Variants in DNAH3 observed in about 807,000 individuals in gnomAD.
DNAH3 encodes the protein axonemal beta dynein heavy chain 3.
DNAH3 carries 332 observed loss-of-function variants against 432.5 expected under a neutral mutation model. That is an observed-to-expected ratio of 0.77 (90% confidence interval 0.70 to 0.84). The LOEUF is 0.84. Ranked by LOEUF, DNAH3 falls within the 40% of genes least tolerant of loss-of-function variation. DNAH3 has a pLI of 0.00. For missense variants in DNAH3, 4,861 were observed against 5,114.0 expected, an observed-to-expected ratio of 0.95 and a Z score of 1.51; for synonymous variants, 1,956 against 1,900.2, an observed-to-expected ratio of 1.03 and a Z score of -0.76.
chr16:21,069,977 T>C (rs1379627616), intron 22 of DNAH3, among the ~76,000 whole-genome samples: 3 of 152,202 alleles, frequency 2.0e-5, no homozygotes, highest in Non-Finnish European at 2.9e-5. Flanking sequence ...CACAACAGTT[T>C]AGTAATGTGC....
intron 16 of DNAH3, among the ~76,000 whole-genome samples, chr16:21,100,558 A>ACAATGT (rs1466506360): frequency 6.6e-6 from 1 of 152,228 alleles, no homozygotes. Context: ...TTGGTGAAAC[A>ACAATGT]CAATGTCGGG....
At chr16:21,003,422 T>C (rs888759058) in intron 41 of DNAH3, among the ~76,000 whole-genome samples, 4 of 152,230 alleles carry the variant, frequency 2.6e-5, no homozygotes, top group African/African-American at 9.6e-5. Context: ...GTAAAAATGA[T>C]AGGTGCTAAT....
chr16:20,983,024 T>G (rs563362494), intron 48 of DNAH3, 138 bp from the exon 49 acceptor site: 548 of 818,736 alleles, frequency 6.7e-4, no homozygotes, highest in Non-Finnish European at 6.9e-4. Context: ...TGACTGTCAA[T>G]GGCCATAATG....
At chr16:20,936,650 T>G (rs1379459033) in exon 60 of DNAH3, 1 of 1,592,214 alleles carries the variant, frequency 6.3e-7, no homozygotes, top group Non-Finnish European at 8.6e-7. Flanking sequence ...CCCAGGTACC[T>G]GGAAGAAGGT....
At chr16:20,946,967 A>G (rs146480903) in intron 57 of DNAH3, among the ~76,000 whole-genome samples, 1 of 151,678 alleles carries the variant, frequency 6.6e-6, no homozygotes, top group East Asian at 1.9e-4. Flanking sequence ...TGGGACTACA[A>G]GTGCATGCCA....
At chr16:21,106,009 G>A (rs2091936818) in intron 15 of DNAH3, among the ~76,000 whole-genome samples, 1 of 150,548 alleles carries the variant, frequency 6.6e-6, no homozygotes, top group Admixed American at 6.6e-5. Context: ...GTAAAACCCC[G>A]TCTCTACTAA....
chr16:21,047,058 C>A (rs1293023126), intron 31 of DNAH3, among the ~76,000 whole-genome samples: 1 of 152,076 alleles, frequency 6.6e-6, no homozygotes. Context: ...GTTACTCTGA[C>A]GCGCTTCCCT....
intron 41 of DNAH3, among the ~76,000 whole-genome samples, chr16:21,010,897 T>G (rs1408073654): frequency 6.6e-6 from 1 of 151,338 alleles, no homozygotes; most frequent in South Asian, 2.1e-4. Flanking sequence ...TGTTTTTTTT[T>G]TTTTGTTTTT....
chr16:21,093,736 T>C (rs2091601945), intron 18 of DNAH3, among the ~76,000 whole-genome samples: 2 of 152,190 alleles, frequency 1.3e-5, no homozygotes, highest in African/African-American at 2.4e-5. Context: ...GACATATAGA[T>C]TGGCAGAACA....
rs533056027 is a variant in DNAH3 at position 20,965,543 on chromosome 16, G to A, written c.8459-118C>T. Reference sequence around the variant, plus strand: ...CAAAAACAAAAACATGGTCTGAGAGGCCCAGCCAACCTCATCAACCCCATC... The same window carrying A: ...CAAAAACAAAAACATGGTCTGAGAGACCCAGCCAACCTCATCAACCCCATC... On this transcript the variant is annotated intron_variant, in intron 52 of 61. Coordinates refer to ENST00000261383, the Ensembl canonical transcript of DNAH3. The A allele has an allele frequency of 4.9e-5, 42 of 857,248 alleles. No individual in the cohort carries two copies. The African/African-American group carries it at 6.8e-4, about 14-fold the overall frequency. 53.1% of individuals were successfully genotyped at this position (857,248 alleles called of 1,614,324 possible).
At chr16:20,975,368 G>A (rs377341386) in exon 51 of DNAH3, 3 of 1,614,208 alleles carry the variant, frequency 1.9e-6, no homozygotes, top group Non-Finnish European at 2.5e-6. Flanking sequence ...CGGAGGTGAG[G>A]ATGAGTTGAG....
At chr16:21,153,201 G>A (rs1178617685) in intron 1 of DNAH3, among the ~76,000 whole-genome samples, 1 of 152,182 alleles carries the variant, frequency 6.6e-6, no homozygotes, top group African/African-American at 2.4e-5. Context: ...GGACCTTGGA[G>A]AACCTTTATG....
At chr16:20,939,728 A>T (rs900999596) in intron 59 of DNAH3, among the ~76,000 whole-genome samples, 1 of 152,096 alleles carries the variant, frequency 6.6e-6, no homozygotes, top group Non-Finnish European at 1.5e-5. Context: ...TGAAGCAGTG[A>T]CCCAATGACA....
intron 50 of DNAH3, among the ~76,000 whole-genome samples, chr16:20,977,858 G>A (rs533777697): frequency 1.6e-4 from 25 of 152,210 alleles, no homozygotes; most frequent in Admixed American, 5.2e-4. Flanking sequence ...CCTCAGACAC[G>A]ACCGACCTCA....
chr16:20,989,822 C>T (rs542200208), intron 44 of DNAH3, among the ~76,000 whole-genome samples: 2 of 152,348 alleles, frequency 1.3e-5, no homozygotes, highest in South Asian at 4.1e-4. Context: ...AGAAATCGAG[C>T]GCAGCACCGG....
chr16:20,978,366 TAAAAATAC>T (rs1453194031), intron 50 of DNAH3, among the ~76,000 whole-genome samples: 2 of 152,052 alleles, frequency 1.3e-5, no homozygotes, highest in Non-Finnish European at 2.9e-5. Context: ...CCGTCTCTAC[TAAAAATAC>T]AAAAATTAGC....
At chr16:20,975,143 T>C in intron 51 of DNAH3, 90 bp downstream of exon 51, 2 of 1,499,420 alleles carry the variant, frequency 1.3e-6, no homozygotes, top group Non-Finnish European at 1.8e-6. Flanking sequence ...GCCTACCCTT[T>C]CTGAGCCTCA....
At chr16:20,997,583 CAGTT>C in intron 43 of DNAH3, 121 bp from the exon 44 acceptor site, 1 of 1,170,648 alleles carries the variant, frequency 8.5e-7, no homozygotes, top group South Asian at 1.5e-5. Context: ...TTCCCCATTC[CAGTT>C]AGGGCTTAGT....
chr16:21,022,055 C>T, exon 40 of DNAH3: 1 of 1,613,994 alleles, frequency 6.2e-7, no homozygotes, highest in Non-Finnish European at 8.5e-7. Flanking sequence ...TGAAGGCGAC[C>T]AAATTCCAGG....
Sources: allele counts gnomAD v4.1 joint callset (sites outside exome capture counted in the v4.1 genomes callset), GRCh38; gene constraint gnomAD v4.1.1; transcripts MANE v1.5; gene names NCBI Gene and HGNC (gene_info 2026-07-23, HGNC 2026-07-21).